The following TUT4 variants were observed in gnomAD, a reference collection of about 807,000 sequenced individuals.
TUT4 encodes terminal uridylyltransferase 4.
Under a neutral mutation model 192.2 loss-of-function variants are expected in TUT4, and 36 were observed. The ratio of observed to expected loss-of-function variants is 0.19; its 90% CI spans 0.14 to 0.25. TUT4 has a LOEUF of 0.25. Ranked by LOEUF, TUT4 falls within the 10% of genes least tolerant of loss-of-function variation. TUT4 has a pLI of 1.00. For missense variants in TUT4, 1,493 were observed against 1,957.2 expected (o/e 0.76, Z 4.47); for synonymous variants, 618 against 666.0 (o/e 0.93, Z 1.11).
chr1:52,439,638 G>C (rs1230361251), intron 24 of TUT4, among the ~76,000 whole-genome samples: 1 of 152,216 alleles, frequency 6.6e-6, no homozygotes, highest in Middle Eastern at 3.2e-3. Flanking sequence ...ACAAGTATTG[G>C]TGAGGATGCA....
intron 12 of TUT4, among the ~76,000 whole-genome samples, chr1:52,476,583 A>G (rs1667133283): frequency 6.6e-6 from 1 of 152,174 alleles, no homozygotes; most frequent in Non-Finnish European, 1.5e-5. Context: ...TTTTGCTGCT[A>G]TCTAAATCCA....
chr1:52,497,089 T>C lies in TUT4; in HGVS notation c.1094A>G (p.Glu365Gly). 1 of 1,614,086 alleles carries C rather than the reference T, an allele frequency of 6.2e-7. No homozygotes were observed. ...LSVAVIELAK[E>G]HGITDDDLRV... ...GAGGTCATCATCTGTTATTCCATGT[T>C]CTTTTGCTAATTCAATGACTGCAAC... Residue 365 changes from glutamate to glycine, a missense_variant, in exon 5 of 30, where the codon GAA becomes GGA. Glu to Gly is a moderately conservative substitution (Grantham distance 98). This residue lies in a region of TUT4 where 437 missense variants were observed against 577.6 expected (regional missense o/e 0.76). Coordinates refer to ENST00000257177, the MANE Select transcript of TUT4 (RefSeq NM_001009881.3).
chr1:52,497,810 AAAG>A (rs1158395056), intron 4 of TUT4, among the ~76,000 whole-genome samples: 2 of 152,244 alleles, frequency 1.3e-5, no homozygotes, highest in East Asian at 3.8e-4. Context: ...AGGAAAATAC[AAAG>A]AAGAAAATAA....
chr1:52,541,262 G>C (rs2149668018), intron 1 of TUT4, among the ~76,000 whole-genome samples: 1 of 151,542 alleles, frequency 6.6e-6, no homozygotes, highest in East Asian at 1.9e-4. Flanking sequence ...GCTGGGCACG[G>C]GGGCTCACGC....
chr1:52,509,608 C>T lies in TUT4; in HGVS notation c.987G>A (p.Lys329=). Residue 329 remains lysine (K), a synonymous_variant, in exon 4 of 30, where the codon AAG becomes AAA. Coordinates refer to ENST00000257177, the MANE Select transcript of TUT4 (RefSeq NM_001009881.3). Reference sequence around the variant, plus strand: ...AAAAAGAACTTACCAAAATATTTTTCTTATGTCGTTTCTCCTTTATATGTT... The same window carrying T: ...AAAAAGAACTTACCAAAATATTTTTTTTATGTCGTTTCTCCTTTATATGTT... ...AHKHIKEKRH[K]KNILEKQEES... 6.4e-7 allele frequency: 1 copy of T among 1,550,548 alleles called. No individual in the cohort carries two copies. Among genetic ancestry groups the T allele is most frequent in the Non-Finnish European group, 8.8e-7 (1 of 1,133,204 alleles).
intron 1 of TUT4, among the ~76,000 whole-genome samples, chr1:52,550,657 TA>T (rs1440386448): frequency 6.6e-6 from 1 of 152,036 alleles, no homozygotes; most frequent in Non-Finnish European, 1.5e-5. Context: ...CACGCCCAGC[TA>T]ATTTCTTTTA....
rs368696425 is a variant in TUT4 at position 52,431,214 on chromosome 1, G to A, written c.4510C>T (p.Pro1504Ser). The A allele has an allele frequency of 1.5e-5, 24 of 1,614,208 alleles. No homozygotes were observed. In the African/African-American group the frequency reaches 2.9e-4, roughly 20 times the overall value. ...ACTGGGCCATGGATGGGCCAGGACG[G>A]GGCAGGGATCTGGAGAGGGTGCATT... ...LPMHPLQIPA[P>S]SWPIHGPVIH... Residue 1504 changes from proline (P) to serine (S), a missense_variant, in exon 28 of 30, where the codon CCG (proline) becomes TCG (serine). Physicochemically the swap from Pro to Ser is moderately conservative, Grantham distance 74. This residue lies in a region of TUT4 where 351 missense variants were observed against 397.8 expected (regional missense o/e 0.88). Coordinates refer to ENST00000257177, the MANE Select transcript of TUT4 (RefSeq NM_001009881.3).
At chr1:52,523,005 T>TC (rs2149434127) in intron 2 of TUT4, among the ~76,000 whole-genome samples, 1 of 142,912 alleles carries the variant, frequency 7.0e-6, no homozygotes, top group African/African-American at 2.6e-5. Flanking sequence ...TTTTTTTTTT[T>TC]TTTTTGAGAC....
Position 52,477,790 on chromosome 1 carries a change from C to T in TUT4, c.1941G>A (p.Glu647=). ...LKFYTLDFAL[E]EYVICVRIQD... ...GTATCCGTACACATATGACATATTC[C>T]TCCAAAGCAAAATCCAGTGTGTAGA... is the stretch of plus-strand genomic sequence containing the variant. The change falls in exon 12 of 30, where the codon GAG becomes GAA. Residue 647 remains glutamate (E), a synonymous_variant. Coordinates refer to ENST00000257177, the MANE Select transcript of TUT4 (RefSeq NM_001009881.3). 1 of 1,613,948 alleles carries T rather than the reference C, an allele frequency of 6.2e-7. No homozygotes were observed. The highest frequency in any genetic ancestry group is 1.1e-5 in the South Asian group (1 of 91,058).
intron 4 of TUT4, among the ~76,000 whole-genome samples, chr1:52,502,456 A>G (rs926932876): frequency 2.0e-5 from 3 of 152,132 alleles, no homozygotes; most frequent in African/African-American, 2.4e-5. Context: ...TTCTTTTCCA[A>G]CATAATGAAA....
chr1:52,487,871 A>C (rs1001072056), intron 9 of TUT4, among the ~76,000 whole-genome samples: 5 of 152,228 alleles, frequency 3.3e-5, no homozygotes, highest in Non-Finnish European at 7.3e-5. Flanking sequence ...AGCCGTGAAT[A>C]CATAAAACAT....
At chr1:52,471,008 C>CTTTTT (rs771331613) in intron 14 of TUT4, among the ~76,000 whole-genome samples, 1 of 82,148 alleles carries the variant, frequency 1.2e-5, no homozygotes, top group African/African-American at 6.1e-5. Context: ...GCACTCTATG[C>CTTTTT]TTTTTTTTTT....
In TUT4 at chr1:52,468,036, G is replaced by A; in HGVS notation, c.2965+145C>T. On this transcript the variant is annotated intron_variant, in intron 15 of 29. Transcript: ENST00000257177. The stretch of plus-strand genomic sequence containing the variant: ...CCATTTGAAACATAAGCTTCATGAG[G>A]TTTCATCTCTTTTATTAGCACTGTA... 4 of 578,086 alleles carry A rather than the reference G, an allele frequency of 6.9e-6. No individual in the cohort carries two copies. The South Asian group carries it at 9.3e-5, about 13-fold the overall frequency. 35.8% of individuals were successfully genotyped at this position (578,086 alleles called of 1,614,324 possible).
At chr1:52,479,291 C>T (rs908279663) in intron 11 of TUT4, among the ~76,000 whole-genome samples, 4 of 151,930 alleles carry the variant, frequency 2.6e-5, no homozygotes, top group Admixed American at 2.0e-4. Context: ...TTGAGTGTGG[C>T]GAGAGGGAAG....
chr1:52,533,514 G>A (rs955415777), intron 1 of TUT4, among the ~76,000 whole-genome samples: 6 of 152,062 alleles, frequency 3.9e-5, no homozygotes, highest in East Asian at 1.9e-4. Flanking sequence ...CTTTCTGGTC[G>A]TTACTATACT....
chr1:52,534,959 A>G (rs572126596), intron 1 of TUT4: 9 of 152,342 alleles, frequency 5.9e-5, no homozygotes, highest in Non-Finnish European at 1.3e-4. Context: ...AAATTATGCC[A>G]TTCTTATTCT....
intron 13 of TUT4, among the ~76,000 whole-genome samples, chr1:52,473,042 T>G (rs1666191416): frequency 6.6e-6 from 1 of 152,110 alleles, no homozygotes; most frequent in African/African-American, 2.4e-5. Flanking sequence ...CAGGAAACTC[T>G]TTAAATAGTA....
chr1:52,536,910 A>G (rs1685053667), intron 1 of TUT4, among the ~76,000 whole-genome samples: 1 of 152,162 alleles, frequency 6.6e-6, no homozygotes. Context: ...TCACGCCTGT[A>G]ATCCCAACAC....
At chr1:52,479,887 T>A (rs1452527591) in intron 11 of TUT4, among the ~76,000 whole-genome samples, 1 of 150,444 alleles carries the variant, frequency 6.6e-6, no homozygotes, top group Non-Finnish European at 1.5e-5. Flanking sequence ...CCCAGCTACT[T>A]GGGAGGCTGA....
Sources: gnomAD v4.1 joint callset for allele counts (sites outside exome capture counted in the v4.1 genomes callset) on GRCh38, gnomAD v4.1.1 for gene constraint, gnomAD v4.1.1 regional missense constraint, MANE v1.5 for transcripts, NCBI Gene and HGNC (gene_info 2026-07-23, HGNC 2026-07-21) for gene names.